TMC6: variants seen among roughly 807,000 people sequenced by gnomAD.
TMC6 encodes the protein transmembrane channel-like protein 6.
TMC6 carries 71 observed loss-of-function variants against 95.4 expected under a neutral mutation model. The ratio of observed to expected loss-of-function variants is 0.74; its 90% confidence interval spans 0.61 to 0.91. The LOEUF (loss-of-function observed/expected upper bound fraction) is 0.91. Ranked by LOEUF, TMC6 falls within the 40% of genes least tolerant of loss-of-function variation. The probability of loss-of-function intolerance (pLI) is 0.00; values close to 1 mark genes in which losing one functional copy is unlikely to be tolerated. For missense variants in TMC6, 1,074 were observed against 1,079.1 expected (o/e 1.00, Z 0.07); for synonymous variants, 514 against 483.1 (o/e 1.06, Z -0.84).
In TMC6 at chr17:78,125,869, G is replaced by T; in HGVS notation, c.287C>A (p.Ala96Asp). Residue 96 changes from alanine to aspartate, a missense_variant, in exon 5 of 20, where the codon GCC (alanine) becomes GAC (aspartate). Ala to Asp is a moderately radical substitution (Grantham distance 126, BLOSUM62 -2). Transcript: ENST00000590602. ...GCGGTTGTAGTACTGGGAGATGATG[G>T]CACCTCGGCTGCGGCCTATGGAGGC... ...PSRTIGRSRG[A>D]IISQYYNRTV... 1 of 1,551,086 alleles carries T rather than the reference G, an allele frequency of 6.4e-7. No individual in the cohort carries two copies. The highest frequency in any genetic ancestry group is 8.7e-7 in the Non-Finnish European group (1 of 1,147,150).
chr17:78,120,066 A>G (rs991811858), intron 13 of TMC6: 29 of 368,492 alleles, frequency 7.9e-5, no homozygotes, highest in African/African-American at 6.1e-4. Context: ...TACCTGGAAC[A>G]TTTTTTAAAT....
In TMC6 at chr17:78,110,467, G is replaced by C. The variant is rs2073803371; in HGVS notation, c.*2681C>G. The C allele has an allele frequency of 1.3e-5, 2 of 152,162 alleles. No homozygotes were observed. Among genetic ancestry groups the C allele is most frequent in the Admixed American group, 1.3e-4 (2 of 15,264 alleles). 9.4% of individuals were successfully genotyped at this position (152,162 alleles called of 1,614,324 possible). A position where few individuals can be genotyped will look rare whatever the true frequency, so the allele number is the denominator to read the frequency against. ...CCAGCCTGGGCAAGAGCAAGACTCT[G>C]AAAAAGCAAATAAACCGAAACTCTT... On this transcript the variant is annotated 3_prime_UTR_variant, in exon 20 of 20. Coordinates refer to ENST00000590602, the MANE Select transcript of TMC6 (RefSeq NM_001127198.5).
intron 4 of TMC6, 22 bp downstream of exon 4, chr17:78,126,255 C>G (rs755687681): frequency 1.9e-6 from 3 of 1,545,904 alleles, no homozygotes; most frequent in Non-Finnish European, 2.6e-6. Context: ...GGGCCGAGGC[C>G]GAGGCTGAGG....
intron 18 of TMC6, among the ~76,000 whole-genome samples, chr17:78,114,550 G>A (rs2144891459): frequency 6.6e-6 from 1 of 152,106 alleles, no homozygotes. Context: ...AAAGGATCTG[G>A]TGCACCGAAA....
rs138484209 is a variant in TMC6 at position 78,109,044 on chromosome 17, G to T, written c.*4104C>A. On this transcript the variant is annotated 3_prime_UTR_variant, in exon 20 of 20. Transcript: ENST00000590602. ...CATTTTTTATTTTTGTAGAGATAGG[G>T]TCTCACCATGTTGCCCAGGCTGATC... 166 of 189,506 alleles carry T rather than the reference G, an allele frequency of 8.8e-4. No homozygotes were observed. The highest frequency in any genetic ancestry group is 4.5e-3 in the Middle Eastern group (2 of 446). 11.7% of individuals were successfully genotyped at this position (189,506 alleles called of 1,614,324 possible). A position where few individuals can be genotyped will look rare whatever the true frequency, so the allele number is the denominator to read the frequency against.
In TMC6 at chr17:78,122,874, G is replaced by T; in HGVS notation, c.1083-125C>A. ...CCCACTCAGGAGCCATCTGGGCCCTGACTGGGCCTCCTGCCACACCCCTGC... is the reference window on the plus strand; with the variant it reads ...CCCACTCAGGAGCCATCTGGGCCCTTACTGGGCCTCCTGCCACACCCCTGC... On this transcript the variant is annotated intron_variant, in intron 9 of 19. Transcript: ENST00000590602. This position sits in a 1 kb window ranked among gnomAD's most constrained non-coding sequence, Gnocchi z 4.9. The T allele has an allele frequency of 7.2e-7, 1 of 1,388,720 alleles. No individual in the cohort carries two copies. Among genetic ancestry groups the T allele is most frequent in the Non-Finnish European group, 9.9e-7 (1 of 1,014,738 alleles). 86.0% of individuals were successfully genotyped at this position (1,388,720 alleles called of 1,614,324 possible). A position where few individuals can be genotyped will look rare whatever the true frequency, so the allele number is the denominator to read the frequency against.
chr17:78,120,584 C>T (rs957525623), intron 13 of TMC6, 69 bp downstream of exon 13: 1 of 1,609,600 alleles, frequency 6.2e-7, no homozygotes, highest in Non-Finnish European at 8.5e-7. Context: ...GCCTGAGAAC[C>T]TCCCGGCCAC....
chr17:78,125,648 C>A, intron 5 of TMC6, 78 bp downstream of exon 5: 1 of 1,530,678 alleles, frequency 6.5e-7, no homozygotes, highest in Non-Finnish European at 8.8e-7. Context: ...CCCCAGCCAC[C>A]GCCCAGGCCA....
upstream of TMC6, chr17:78,128,868 G>A (rs2074883172): frequency 1.4e-5 from 2 of 142,848 alleles, no homozygotes; most frequent in African/African-American, 5.2e-5. The surrounding 1 kb of genome is among the most constrained non-coding windows in gnomAD (Gnocchi z 4.0). Flanking sequence ...GCCCTCCTCC[G>A]GGCGCCCCGC....
At chr17:78,123,720 ATAGG>A (rs1258742297) in intron 9 of TMC6, among the ~76,000 whole-genome samples, 11 of 126,160 alleles carry the variant, frequency 8.7e-5, no homozygotes, top group Admixed American at 1.7e-4. Context: ...GAGTGGGTAG[ATAGG>A]TAGGTGGATG....
chr17:78,115,639 G>A (rs113409933), intron 18 of TMC6, among the ~76,000 whole-genome samples: 8,072 of 127,366 alleles, frequency 0.063, 189 homozygotes, highest in Middle Eastern at 0.087. Flanking sequence ...TGGGCACAGG[G>A]GCGAAGGGAG....
chr17:78,126,952 G>A (rs1014945345), intron 1 of TMC6, 46 bp from the exon 2 acceptor site: 2 of 1,197,266 alleles, frequency 1.7e-6, no homozygotes, highest in African/African-American at 1.5e-5. Context: ...TCAACGCCTG[G>A]CAGCTGTCCA....
intron 18 of TMC6, among the ~76,000 whole-genome samples, chr17:78,116,275 G>A (rs1291482729): frequency 7.5e-6 from 1 of 134,170 alleles, no homozygotes; most frequent in African/African-American, 2.9e-5. Flanking sequence ...CCATGCCCAG[G>A]CTTTTTTTTT....
chr17:78,120,033 A>T, intron 13 of TMC6: 1 of 393,370 alleles, frequency 2.5e-6, no homozygotes, highest in South Asian at 2.0e-5. Flanking sequence ...AAAACAGCTG[A>T]AGTGCCAGAA....
chr17:78,131,616 G>A (rs1345459696), upstream of TMC6: 2 of 1,549,978 alleles, frequency 1.3e-6, no homozygotes, highest in Non-Finnish European at 1.7e-6. Context: ...GGTGTCATCG[G>A]AGCGGGCCCC....
At chr17:78,115,681 G>GACCAGCTGCCGGGTGGACAGTACTCCT (rs1360471906) in intron 18 of TMC6, among the ~76,000 whole-genome samples, 13 of 83,334 alleles carry the variant, frequency 1.6e-4, no homozygotes, top group African/African-American at 5.8e-4. Flanking sequence ...TGGGCACAGG[G>GACCAGCTGCCGGGTGGACAGTACTCCT]GCGAAGGGAG....
upstream of TMC6, chr17:78,132,206 C>G (rs578180734): frequency 5.8e-6 from 8 of 1,371,880 alleles, no homozygotes; most frequent in Admixed American, 7.9e-5. Context: ...GCCCACGCAG[C>G]ACCCCCAGGT....
intron 5 of TMC6, among the ~76,000 whole-genome samples, 180 bp from the exon 6 acceptor site, chr17:78,125,443 G>A (rs1295013388): frequency 2.6e-5 from 4 of 152,210 alleles, no homozygotes; most frequent in African/African-American, 9.7e-5. Flanking sequence ...CAAGCAGGAA[G>A]CTCACAGAGC....
chr17:78,112,958 C>T lies in TMC6; in HGVS notation c.*190G>A, dbSNP rs2073865970. 1 of 643,160 alleles carries T rather than the reference C, an allele frequency of 1.6e-6. No individual in the cohort carries two copies. Among genetic ancestry groups the T allele is most frequent in the African/African-American group, 1.8e-5 (1 of 55,058 alleles). 39.8% of individuals were successfully genotyped at this position (643,160 alleles called of 1,614,324 possible). A position where few individuals can be genotyped will look rare whatever the true frequency, so the allele number is the denominator to read the frequency against. ...CCTTTAATCAGAATAAATAGAGTCCCAGGCAGGGCAGAGTTCATTGGGGAT... is the reference window on the plus strand; with the variant it reads ...CCTTTAATCAGAATAAATAGAGTCCTAGGCAGGGCAGAGTTCATTGGGGAT... On this transcript the variant is annotated 3_prime_UTR_variant, in exon 20 of 20. Coordinates refer to ENST00000590602, the MANE Select transcript of TMC6 (RefSeq NM_001127198.5).
Sources: gnomAD v4.1 joint callset for allele counts (sites outside exome capture counted in the v4.1 genomes callset) on GRCh38, gnomAD v4.1.1 for gene constraint, Gnocchi (gnomAD v3.1) non-coding constraint, MANE v1.5 for transcripts, NCBI Gene and HGNC (gene_info 2026-07-23, HGNC 2026-07-21) for gene names.